The following NAALADL2 variants were observed in gnomAD, a reference collection of about 807,000 sequenced individuals.
The protein encoded by NAALADL2 is inactive N-acetylated-alpha-linked acidic dipeptidase-like protein 2.
Under a neutral mutation model 87.2 loss-of-function variants are expected in NAALADL2, and 76 were observed. The ratio of observed to expected loss-of-function variants is 0.87; its 90% CI spans 0.72 to 1.05. The LOEUF is 1.05. Ranked by LOEUF, NAALADL2 falls within the 50% of genes least tolerant of loss-of-function variation. NAALADL2 has a pLI of 0.00. For synonymous variants in NAALADL2, 354 were observed against 331.0 expected (o/e 1.07, Z -0.75); for missense variants, 1,089 against 945.8 (o/e 1.15, Z -1.99).
At chr3:174,807,428 A>G (rs928199161) in intron 3 of NAALADL2, among the ~76,000 whole-genome samples, 2 of 152,098 alleles carry the variant, frequency 1.3e-5, no homozygotes, top group Non-Finnish European at 2.9e-5. Context: ...TAGCTGCCCC[A>G]TATTATCAGA....
chr3:175,794,698 C>T (rs1171156986), intron 13 of NAALADL2, among the ~76,000 whole-genome samples: 4 of 152,126 alleles, frequency 2.6e-5, no homozygotes, highest in Admixed American at 2.6e-4. Flanking sequence ...CTCTACAGTC[C>T]TCTGCTCTAT....
intron 3 of NAALADL2, among the ~76,000 whole-genome samples, chr3:174,846,648 G>A (rs1724654638): frequency 6.6e-6 from 1 of 152,102 alleles, no homozygotes; most frequent in South Asian, 2.1e-4. Flanking sequence ...GATTATGTAT[G>A]TATGATATAT....
intron 1 of NAALADL2, among the ~76,000 whole-genome samples, chr3:174,505,785 C>G (rs1719166901): frequency 6.6e-6 from 1 of 152,098 alleles, no homozygotes; most frequent in Admixed American, 6.5e-5. Flanking sequence ...TTTTTAATTT[C>G]TAGAAAATTT....
At chr3:175,186,858 T>G (rs1737402431) in intron 2 of NAALADL2, among the ~76,000 whole-genome samples, 1 of 152,134 alleles carries the variant, frequency 6.6e-6, no homozygotes, top group African/African-American at 2.4e-5. Flanking sequence ...TTTGCCTTTC[T>G]CGAGTGCTCA....
intron 2 of NAALADL2, among the ~76,000 whole-genome samples, chr3:174,620,042 C>G (rs1278898521): frequency 1.3e-5 from 2 of 151,950 alleles, no homozygotes; most frequent in African/African-American, 4.8e-5. Flanking sequence ...TATTCTCTAT[C>G]ACTGTGCTGT....
At chr3:175,749,729 C>T (rs1559970248) in intron 12 of NAALADL2, among the ~76,000 whole-genome samples, 1 of 152,166 alleles carries the variant, frequency 6.6e-6, no homozygotes. Context: ...TAGCATACAT[C>T]AAGTTATTTA....
intron 5 of NAALADL2, among the ~76,000 whole-genome samples, chr3:175,401,886 C>T (rs938294521): frequency 7.2e-5 from 11 of 151,936 alleles, no homozygotes; most frequent in African/African-American, 2.2e-4. Flanking sequence ...GTCCAGTAGA[C>T]GATCATGAGT....
chr3:175,751,878 A>G (rs1419950319), intron 12 of NAALADL2, among the ~76,000 whole-genome samples: 1 of 151,958 alleles, frequency 6.6e-6, no homozygotes, highest in Admixed American at 6.6e-5. Flanking sequence ...TGTAGGGCAT[A>G]TTTTATTTCA....
Position 175,447,350 on chromosome 3 carries a change from C to T in NAALADL2, c.1212C>T (p.Ser404=). 11 of 1,574,064 alleles carry T rather than the reference C, an allele frequency of 7.0e-6. No individual in the cohort carries two copies. The highest frequency in any genetic ancestry group is 9.5e-6 in the Non-Finnish European group (11 of 1,163,568). Residue 404 remains serine, a synonymous_variant, in exon 6 of 14, where the codon AGC becomes AGT. Transcript: ENST00000454872. ...PKARTKNEAC[S]SLELPNNEIR... Reference sequence around the variant, plus strand: ...CTAGAACCAAAAATGAAGCGTGTAGCTCTCTAGAGCTTCCAAATAATGGTA... The same window carrying T: ...CTAGAACCAAAAATGAAGCGTGTAGTTCTCTAGAGCTTCCAAATAATGGTA...
At chr3:175,204,203 G>T (rs1187007112) in intron 2 of NAALADL2, among the ~76,000 whole-genome samples, 8 of 152,046 alleles carry the variant, frequency 5.3e-5, no homozygotes, top group Admixed American at 5.2e-4. Context: ...TTAACAAAAT[G>T]CTAGCTAACC....
chr3:175,266,440 T>C (rs986362314), intron 4 of NAALADL2, among the ~76,000 whole-genome samples: 3 of 151,580 alleles, frequency 2.0e-5, no homozygotes, highest in African/African-American at 7.2e-5. Flanking sequence ...ATATTCATAA[T>C]TAAGGAAGAA....
chr3:175,619,207 A>T (rs1458877008), intron 10 of NAALADL2, among the ~76,000 whole-genome samples: 4 of 149,670 alleles, frequency 2.7e-5, no homozygotes, highest in Non-Finnish European at 5.9e-5. Flanking sequence ...TCCTCAGACA[A>T]AAAAAAAGAG....
intron 3 of NAALADL2, among the ~76,000 whole-genome samples, chr3:174,842,716 A>G (rs1724163886): frequency 6.6e-6 from 1 of 152,084 alleles, no homozygotes; most frequent in Admixed American, 6.5e-5. Context: ...GTACCTCTAT[A>G]TGTCTGTTAT....
chr3:175,143,299 T>C (rs1200854267), intron 2 of NAALADL2, among the ~76,000 whole-genome samples: 2 of 151,976 alleles, frequency 1.3e-5, no homozygotes, highest in African/African-American at 4.8e-5. Context: ...TGTTAATTCA[T>C]GCAAAGATAA....
chr3:174,442,824 T>G (rs1714768056), intron 1 of NAALADL2, among the ~76,000 whole-genome samples: 1 of 152,142 alleles, frequency 6.6e-6, no homozygotes, highest in African/African-American at 2.4e-5. Context: ...TAATTTAAAA[T>G]AGGATTTTAC....
intron 2 of NAALADL2, among the ~76,000 whole-genome samples, chr3:175,101,542 CAT>C (rs1395255237): frequency 6.6e-6 from 1 of 152,166 alleles, no homozygotes; most frequent in African/African-American, 2.4e-5. Flanking sequence ...AAAGAAATGA[CAT>C]ATACACACAC....
At position 174,829,705 on chromosome 3, in the gene NAALADL2, T is replaced by C. The variant is rs1451870700; in HGVS notation, c.-9+91959T>C. Among the ~76,000 whole-genome samples, 105 of 143,332 alleles carry C rather than the reference T, an allele frequency of 7.3e-4. 6 individuals are homozygous for C. Among genetic ancestry groups the C allele is most frequent in the African/African-American group, 2.7e-3 (102 of 37,196 alleles). The allele number at this position is 143,332 out of a possible 152,430, so 94.0% of individuals were successfully genotyped here. ...GGAATCGCCACACTGACTTCCACAA[T>C]GGTTGAACTAGTTTACAGTCCCACC... On this transcript the variant is annotated intron_variant, in intron 3 of 3. Transcript: ENST00000434257.
At chr3:175,667,555 T>A (rs1464864975) in intron 11 of NAALADL2, among the ~76,000 whole-genome samples, 1 of 152,144 alleles carries the variant, frequency 6.6e-6, no homozygotes, top group Non-Finnish European at 1.5e-5. Context: ...TTTTTATTGA[T>A]GCTGGCCAAG....
intron 2 of NAALADL2, among the ~76,000 whole-genome samples, chr3:175,212,180 A>G (rs1001515285): frequency 4.6e-5 from 7 of 152,042 alleles, no homozygotes; most frequent in African/African-American, 1.7e-4. Context: ...TATTACCTTT[A>G]GTAATAAGAT....
Sources: allele counts gnomAD v4.1 joint callset (sites outside exome capture counted in the v4.1 genomes callset), GRCh38; gene constraint gnomAD v4.1.1; transcripts MANE v1.5; gene names NCBI Gene and HGNC (gene_info 2026-07-23, HGNC 2026-07-21).